The following GABBR2 variants were observed in gnomAD, a reference collection of about 807,000 sequenced individuals.
The protein encoded by GABBR2 is G-protein coupled receptor 51.
GABBR2 carries 23 observed loss-of-function variants against 105.6 expected under a neutral mutation model. The observed-to-expected ratio is 0.22, with a 90% confidence interval of 0.16 to 0.31. The LOEUF (loss-of-function observed/expected upper bound fraction) is 0.31, where lower values mean the gene tolerates loss of function less well. GABBR2 is among the 10% of genes least tolerant of loss of function. The pLI, the probability that GABBR2 is intolerant of heterozygous loss-of-function variation, is 1.00. For synonymous variants in GABBR2, 478 were observed against 499.7 expected (o/e 0.96, Z 0.58); for missense variants, 734 against 1,245.5 (o/e 0.59, Z 6.18).
chr9:98,534,823 C>G (rs1305666753), intron 3 of GABBR2, among the ~76,000 whole-genome samples: 1 of 152,226 alleles, frequency 6.6e-6, no homozygotes, highest in African/African-American at 2.4e-5. Context: ...TTGGCGTTTT[C>G]TTACAACATG....
intron 2 of GABBR2, among the ~76,000 whole-genome samples, chr9:98,553,430 C>T (rs545403130): frequency 6.6e-6 from 1 of 151,790 alleles, no homozygotes; most frequent in African/African-American, 2.4e-5. Context: ...CCCATCTCTA[C>T]AAAAAAATGC....
chr9:98,415,058 A>G (rs1832663390), intron 7 of GABBR2, among the ~76,000 whole-genome samples: 1 of 152,194 alleles, frequency 6.6e-6, no homozygotes, highest in Non-Finnish European at 1.5e-5. Context: ...ATTTCTCCTA[A>G]TACTATAATG....
chr9:98,303,383 T>C lies in GABBR2; in HGVS notation c.2270A>G (p.Asn757Ser). The change falls in exon 16 of 19, where the codon AAC (asparagine) becomes AGC (serine). Residue 757 changes from asparagine to serine, a missense_variant. Asn to Ser is a conservative substitution (Grantham distance 46). Coordinates refer to ENST00000259455, the MANE Select transcript of GABBR2 (RefSeq NM_005458.8). ...LRTNPDAATQ[N>S]RRFQFTQNQK... ...ATTCTGAGTGAACTGGAATCGCCTGTTCTGCGTTGCTGCATCTGGGTTTGT... is the reference window on the plus strand; with the variant it reads ...ATTCTGAGTGAACTGGAATCGCCTGCTCTGCGTTGCTGCATCTGGGTTTGT... 1 of 1,614,236 alleles carries C rather than the reference T, an allele frequency of 6.2e-7. No individual in the cohort carries two copies. The highest frequency in any genetic ancestry group is 8.5e-7 in the Non-Finnish European group (1 of 1,180,040).
At chr9:98,578,673 G>C (rs1394452476) in intron 1 of GABBR2, among the ~76,000 whole-genome samples, 4 of 152,176 alleles carry the variant, frequency 2.6e-5, no homozygotes, top group African/African-American at 9.7e-5. Flanking sequence ...GTTCATAGCA[G>C]TATCATTCAT....
At chr9:98,585,435 G>C (rs556580670) in intron 1 of GABBR2, among the ~76,000 whole-genome samples, 4 of 139,844 alleles carry the variant, frequency 2.9e-5, no homozygotes, top group Admixed American at 7.7e-5. Context: ...GGTGGGAATT[G>C]AACAATGAGA....
chr9:98,660,170 T>C (rs1830240078), intron 1 of GABBR2, among the ~76,000 whole-genome samples: 2 of 152,192 alleles, frequency 1.3e-5, no homozygotes, highest in Admixed American at 6.5e-5. Flanking sequence ...ACATTTAGGA[T>C]GTTTCCACTT....
chr9:98,613,975 A>G (rs902388926), intron 1 of GABBR2, among the ~76,000 whole-genome samples: 21 of 152,228 alleles, frequency 1.4e-4, no homozygotes, highest in Non-Finnish European at 2.4e-4. Flanking sequence ...TCTAGGAAAC[A>G]ATGATAGAAC....
chr9:98,489,220 A>T (rs951548852), intron 4 of GABBR2, among the ~76,000 whole-genome samples: 1 of 152,208 alleles, frequency 6.6e-6, no homozygotes, highest in Non-Finnish European at 1.5e-5. Flanking sequence ...GATGAAGTGA[A>T]TTCATGAATC....
chr9:98,416,791 C>G (rs1253017139), intron 7 of GABBR2, among the ~76,000 whole-genome samples: 4 of 152,244 alleles, frequency 2.6e-5, no homozygotes, highest in Non-Finnish European at 4.4e-5. Flanking sequence ...TATCCGTTGA[C>G]TGCTTCAGTG....
chr9:98,593,845 C>G (rs1829185479), intron 1 of GABBR2, among the ~76,000 whole-genome samples: 1 of 152,194 alleles, frequency 6.6e-6, no homozygotes. Context: ...TCTGCAGCGA[C>G]TCAGCTGGAG....
chr9:98,325,283 C>CCTTT (rs1830901877), intron 13 of GABBR2, among the ~76,000 whole-genome samples: 1 of 67,618 alleles, frequency 1.5e-5, no homozygotes, highest in South Asian at 6.0e-4. Context: ...GACAGCAATT[C>CCTTT]TTTTTTTTTT....
chr9:98,641,635 C>G (rs1446602948), intron 1 of GABBR2, among the ~76,000 whole-genome samples: 2 of 152,210 alleles, frequency 1.3e-5, no homozygotes, highest in African/African-American at 4.8e-5. Context: ...CTTCCTCTGT[C>G]TTTGCTCCCG....
chr9:98,345,542 A>C (rs919677711), intron 13 of GABBR2, among the ~76,000 whole-genome samples: 1 of 152,244 alleles, frequency 6.6e-6, no homozygotes. Context: ...AAGACTGAGA[A>C]CAAAGCAAGT....
chr9:98,545,044 A>C (rs1431245870), intron 2 of GABBR2, among the ~76,000 whole-genome samples: 4 of 152,326 alleles, frequency 2.6e-5, no homozygotes, highest in East Asian at 3.9e-4. Flanking sequence ...TCACATCCCC[A>C]AAAATCCTTA....
chr9:98,449,455 T>C (rs186110640), intron 7 of GABBR2, among the ~76,000 whole-genome samples: 7 of 152,292 alleles, frequency 4.6e-5, no homozygotes, highest in African/African-American at 1.7e-4. Flanking sequence ...CAAACGTGTG[T>C]GTGTGGCCCC....
At chr9:98,517,147 C>T (rs1827772268) in intron 3 of GABBR2, among the ~76,000 whole-genome samples, 1 of 152,222 alleles carries the variant, frequency 6.6e-6, no homozygotes, top group South Asian at 2.1e-4. Flanking sequence ...AGGTCACACA[C>T]CTTCCCCAGG....
intron 1 of GABBR2, among the ~76,000 whole-genome samples, chr9:98,665,402 C>T (rs774720845): frequency 1.8e-4 from 28 of 152,192 alleles, no homozygotes; most frequent in Non-Finnish European, 3.7e-4. Flanking sequence ...ATATTTCATA[C>T]TTGGGAATAC....
Position 98,496,517 on chromosome 9 carries a change from G to A in GABBR2, c.631-3C>T, listed in dbSNP as rs747417825. 1.2e-6 allele frequency: 2 copies of A among 1,604,066 alleles called. No individual in the cohort carries two copies. The highest frequency in any genetic ancestry group is 1.1e-5 in the South Asian group (1 of 90,842). The stretch of plus-strand genomic sequence containing the variant: ...ACTCCAGTCAGGTCATTCCGCACCT[G>A]TCAGCAAAGAGAAAGCAGAGGGTGG... On this transcript the variant is annotated splice_region_variant and splice_polypyrimidine_tract_variant and intron_variant, in intron 3 of 18. Coordinates refer to ENST00000259455, the MANE Select transcript of GABBR2 (RefSeq NM_005458.8).
chr9:98,562,015 C>T (rs1043964708), intron 2 of GABBR2, among the ~76,000 whole-genome samples: 2 of 152,226 alleles, frequency 1.3e-5, no homozygotes, highest in South Asian at 2.1e-4. Context: ...ACGGTCTCAG[C>T]GTTTCACCCC....
Sources: allele counts gnomAD v4.1 joint callset (sites outside exome capture counted in the v4.1 genomes callset), GRCh38; gene constraint gnomAD v4.1.1; transcripts MANE v1.5; gene names NCBI Gene and HGNC (gene_info 2026-07-23, HGNC 2026-07-21).